CPB1: variants seen among roughly 807,000 people sequenced by gnomAD.
CPB1 encodes the protein carboxypeptidase B.
CPB1 carries 53 observed loss-of-function variants against 51.4 expected under a neutral mutation model. The ratio of observed to expected loss-of-function variants is 1.03; its 90% CI spans 0.83 to 1.30. The LOEUF (loss-of-function observed/expected upper bound fraction) is 1.30. Ranked by LOEUF, CPB1 falls within the 50% of genes most tolerant of loss-of-function variation. The pLI is 0.00. For missense variants in CPB1, 494 were observed against 516.2 expected (o/e 0.96, Z 0.42); for synonymous variants, 189 against 186.9 (o/e 1.01, Z -0.09).
At chr3:148,847,246 T>C (rs1202587970) in intron 9 of CPB1, among the ~76,000 whole-genome samples, 1 of 151,700 alleles carries the variant, frequency 6.6e-6, no homozygotes, top group Non-Finnish European at 1.5e-5. Flanking sequence ...AGTTTTCTTA[T>C]TCAATACATT....
Position 148,840,751 on chromosome 3 carries a change from G to A in CPB1, c.338G>A (p.Gly113Glu), listed in dbSNP as rs373982050. 1 of 1,614,156 alleles carries A rather than the reference G, an allele frequency of 6.2e-7. No individual in the cohort carries two copies. Residue 113 changes from glycine (G) to glutamate (E), a missense_variant, in exon 4 of 11, where the codon GGA becomes GAA. By Grantham distance (98) the Gly-to-Glu change is moderately conservative. Coordinates refer to ENST00000282957, the MANE Select transcript of CPB1 (RefSeq NM_001871.3). The stretch of plus-strand genomic sequence containing the variant: ...TTTGATAGCCGGGTTCGTGCAACAG[G>A]ACACAGTTATGAGAAGTACAACAAG... ...AQFDSRVRAT[G>E]HSYEKYNKWE... is the part of the protein sequence containing the mutation.
At chr3:148,837,695 G>A (rs994850719) in intron 3 of CPB1, among the ~76,000 whole-genome samples, 2 of 151,738 alleles carry the variant, frequency 1.3e-5, no homozygotes, top group Admixed American at 6.6e-5. Context: ...GGGCTGGGAA[G>A]GATCATTTGA....
Position 148,844,591 on chromosome 3 carries a change from A to C in CPB1, c.687+3A>C, listed in dbSNP as rs372764833. The C allele has an allele frequency of 6.2e-7, 1 of 1,612,172 alleles. No homozygotes were observed. ...GCTACATCTACACCTGGACCAAGGT[A>C]TATGCACCAATACTGAGAGAGGCTG... On this transcript the variant is annotated splice_donor_region_variant and intron_variant, in intron 7 of 10. Coordinates refer to ENST00000282957, the MANE Select transcript of CPB1 (RefSeq NM_001871.3).
intron 2 of CPB1, among the ~76,000 whole-genome samples, chr3:148,834,007 A>G (rs1712819359): frequency 6.6e-6 from 1 of 152,196 alleles, no homozygotes; most frequent in Non-Finnish European, 1.5e-5. Flanking sequence ...TGTATCCACC[A>G]CAGGTCAGGG....
rs1364486523 is a variant in CPB1, at chr3:148,846,797, G to GTGTATATATATATATA, written c.981+1172_981+1173insGTATATATATATATAT. On this transcript the variant is annotated intron_variant, in intron 9 of 10. Coordinates refer to ENST00000282957, the MANE Select transcript of CPB1 (RefSeq NM_001871.3). ...CACATATATATGTGTGTGTGCGTGT[G>GTGTATATATATATATA]TATATATATATATATATATATATAT... Among the ~76,000 whole-genome samples the GTGTATATATATATATA allele has an allele frequency of 3.6e-4, 18 of 50,510 alleles. 1 individual carries two copies. Among genetic ancestry groups the GTGTATATATATATATA allele is most frequent in the Non-Finnish European group, 6.0e-4 (14 of 23,400 alleles). The allele number at this position is 50,510 out of a possible 152,430, so 33.1% of individuals were successfully genotyped here.
chr3:148,847,649 T>C (rs940863135), intron 9 of CPB1, among the ~76,000 whole-genome samples: 3 of 152,094 alleles, frequency 2.0e-5, no homozygotes, highest in Admixed American at 1.3e-4. Context: ...CCTCCAAAAT[T>C]GTTAAATTCT....
chr3:148,845,333 A>G lies in CPB1; in HGVS notation c.779-91A>G, dbSNP rs568090574. Reference sequence around the variant, plus strand: ...TAAGGACTCCTTGATAAGGACTCCTATGAAAACAACTCCCTAATTTGAAAG... The same window carrying G: ...TAAGGACTCCTTGATAAGGACTCCTGTGAAAACAACTCCCTAATTTGAAAG... On this transcript the variant is annotated intron_variant, in intron 8 of 10. Transcript: ENST00000282957. The G allele has an allele frequency of 4.3e-5, 49 of 1,142,682 alleles. No homozygotes were observed. The East Asian group carries it at 1.1e-3, about 25-fold the overall frequency. 70.8% of individuals were successfully genotyped at this position (1,142,682 alleles called of 1,614,324 possible). A position where few individuals can be genotyped will look rare whatever the true frequency, so the allele number is the denominator to read the frequency against.
chr3:148,853,921 A>C (rs567759988), intron 9 of CPB1, among the ~76,000 whole-genome samples: 1 of 152,304 alleles, frequency 6.6e-6, no homozygotes, highest in South Asian at 2.1e-4. Flanking sequence ...TTAAGTTTTT[A>C]TGTAAATGTT....
At chr3:148,829,967 CA>C (rs1712684645) in intron 2 of CPB1, among the ~76,000 whole-genome samples, 1 of 152,174 alleles carries the variant, frequency 6.6e-6, no homozygotes, top group African/African-American at 2.4e-5. Context: ...GAGACTTCAT[CA>C]AATGCTTTAC....
At chr3:148,836,164 T>G (rs1419243038) in intron 3 of CPB1, among the ~76,000 whole-genome samples, 1 of 152,142 alleles carries the variant, frequency 6.6e-6, no homozygotes, top group Non-Finnish European at 1.5e-5. Flanking sequence ...ATACGTTTTT[T>G]TTTTTAAGAG....
chr3:148,853,477 A>G (rs770361071), intron 9 of CPB1, among the ~76,000 whole-genome samples: 13 of 152,222 alleles, frequency 8.5e-5, no homozygotes, highest in Non-Finnish European at 1.6e-4. Context: ...CTCTTGGGCT[A>G]CGAGCTAGAT....
intron 9 of CPB1, among the ~76,000 whole-genome samples, chr3:148,845,863 C>T (rs976222335): frequency 3.3e-5 from 5 of 152,072 alleles, no homozygotes; most frequent in African/African-American, 1.2e-4. Context: ...TTCAAAATGA[C>T]AATAGTTCCA....
At chr3:148,844,613 G>A (rs754084157) in intron 7 of CPB1, 25 bp downstream of exon 7, 16 of 1,611,474 alleles carry the variant, frequency 9.9e-6, no homozygotes, top group East Asian at 2.2e-5. Context: ...ACTGAGAGAG[G>A]CTGATGAAAT....
intron 10 of CPB1, 129 bp downstream of exon 10, chr3:148,857,670 A>T: frequency 4.4e-6 from 2 of 457,646 alleles, no homozygotes; most frequent in Admixed American, 4.3e-5. Context: ...TTTCTAAAAT[A>T]TGTAATCAGT....
At chr3:148,846,483 A>G (rs1249997932) in intron 9 of CPB1, among the ~76,000 whole-genome samples, 2 of 151,918 alleles carry the variant, frequency 1.3e-5, no homozygotes, top group African/African-American at 2.4e-5. Context: ...AATGACATGG[A>G]TATTTGGCTT....
intron 9 of CPB1, among the ~76,000 whole-genome samples, chr3:148,850,286 T>TTTTG (rs749716087): frequency 5.9e-5 from 9 of 151,820 alleles, no homozygotes; most frequent in Non-Finnish European, 7.4e-5. Flanking sequence ...TTGAAGTTTT[T>TTTTG]TTTGTTTGTT....
At chr3:148,838,517 CT>C (rs1319203569) in intron 3 of CPB1, 1 of 151,850 alleles carries the variant, frequency 6.6e-6, no homozygotes, top group African/African-American at 2.4e-5. Context: ...TCTTACTTGG[CT>C]TGCTTTGTTT....
chr3:148,836,154 A>C (rs560683014), intron 3 of CPB1, among the ~76,000 whole-genome samples: 1 of 152,070 alleles, frequency 6.6e-6, no homozygotes, highest in African/African-American at 2.4e-5. Context: ...GAAGGAGATT[A>C]TACGTTTTTT....
intron 9 of CPB1, chr3:148,855,953 T>C (rs140845978): frequency 2.8e-4 from 43 of 152,342 alleles, no homozygotes; most frequent in African/African-American, 8.9e-4. Context: ...TGGTTTTAAA[T>C]CTATTATGAG....
Sources: allele counts gnomAD v4.1 joint callset (sites outside exome capture counted in the v4.1 genomes callset), GRCh38; gene constraint gnomAD v4.1.1; transcripts MANE v1.5; gene names NCBI Gene and HGNC (gene_info 2026-07-23, HGNC 2026-07-21).